The following SLCO1A2 variants were observed in gnomAD, a reference collection of about 807,000 sequenced individuals.
The protein encoded by SLCO1A2 is solute carrier organic anion transporter family member 1A2.
In SLCO1A2, 67 loss-of-function variants were observed where a neutral mutation model predicts 69.0. That is an observed-to-expected ratio of 0.97 (90% CI 0.80 to 1.19). The LOEUF (loss-of-function observed/expected upper bound fraction) is 1.19. Among genes scored for constraint, SLCO1A2 ranks in the 50% most tolerant of loss-of-function variants. The pLI is 0.00. For missense variants in SLCO1A2, 787 were observed against 793.7 expected, an observed-to-expected ratio of 0.99 and a Z score of 0.10; for synonymous variants, 260 against 265.9, an observed-to-expected ratio of 0.98 and a Z score of 0.22.
chr12:21,360,946 T>A (rs1938813378), intron 2 of SLCO1A2, among the ~76,000 whole-genome samples: 1 of 152,062 alleles, frequency 6.6e-6, no homozygotes, highest in Admixed American at 6.5e-5. Context: ...CTCTGTAGAC[T>A]CCACCTCTAG....
chr12:21,295,576 A>G, intron 10 of SLCO1A2, 21 bp downstream of exon 10: 4 of 1,428,068 alleles, frequency 2.8e-6, no homozygotes, highest in Middle Eastern at 1.8e-4. Flanking sequence ...AGATTCTCAC[A>G]TTCATTAGAA....
At chr12:21,284,253 G>T (rs1479329008) in intron 12 of SLCO1A2, among the ~76,000 whole-genome samples, 2 of 152,054 alleles carry the variant, frequency 1.3e-5, no homozygotes, top group Non-Finnish European at 2.9e-5. Context: ...AAAGAATGAG[G>T]GGGAGGAGCC....
intron 2 of SLCO1A2, among the ~76,000 whole-genome samples, chr12:21,360,277 A>C (rs1938727539): frequency 6.6e-6 from 1 of 152,250 alleles, no homozygotes; most frequent in Non-Finnish European, 1.5e-5. Flanking sequence ...AAAACCAGTC[A>C]AATTATACAT....
At chr12:21,409,911 T>A (rs1159939356) in intron 1 of SLCO1A2, among the ~76,000 whole-genome samples, 2 of 152,192 alleles carry the variant, frequency 1.3e-5, no homozygotes, top group Non-Finnish European at 2.9e-5. Context: ...TGGTGTCCCA[T>A]ACATTTTTTC....
chr12:21,330,137 A>C (rs1952510341), intron 2 of SLCO1A2, among the ~76,000 whole-genome samples: 1 of 152,106 alleles, frequency 6.6e-6, no homozygotes, highest in Non-Finnish European at 1.5e-5. Context: ...TACAGACAAA[A>C]GCAGATCCAA....
intron 1 of SLCO1A2, among the ~76,000 whole-genome samples, chr12:21,392,368 C>T (rs1373834207): frequency 3.9e-5 from 6 of 152,142 alleles, no homozygotes; most frequent in Non-Finnish European, 8.8e-5. Flanking sequence ...AATTCACCTC[C>T]TGGCAGGTGG....
chr12:21,302,388 T>C (rs1405380791), intron 6 of SLCO1A2, among the ~76,000 whole-genome samples: 1 of 152,168 alleles, frequency 6.6e-6, no homozygotes, highest in Non-Finnish European at 1.5e-5. Context: ...TATACATGTA[T>C]TGTTTCATTG....
chr12:21,310,259 A>AT (rs368438816), intron 4 of SLCO1A2, among the ~76,000 whole-genome samples: 1 of 152,198 alleles, frequency 6.6e-6, no homozygotes, highest in Non-Finnish European at 1.5e-5. Flanking sequence ...ACTCACATGA[A>AT]TTTTTTTAAT....
chr12:21,320,157 C>T (rs920952787), intron 2 of SLCO1A2, among the ~76,000 whole-genome samples: 1 of 152,158 alleles, frequency 6.6e-6, no homozygotes, highest in African/African-American at 2.4e-5. Context: ...AAAATTCTCA[C>T]ACCTTCCACC....
chr12:21,319,627 TG>T, intron 2 of SLCO1A2: 1 of 434,534 alleles, frequency 2.3e-6, no homozygotes, highest in Non-Finnish European at 4.1e-6. Flanking sequence ...CCATTTATTT[TG>T]GGAAGCTTTC....
intron 2 of SLCO1A2, chr12:21,373,121 T>C (rs1939919363): frequency 1.8e-6 from 1 of 566,214 alleles, no homozygotes; most frequent in South Asian, 2.1e-5. Flanking sequence ...ACAATATAAA[T>C]GTTCAGATTG....
chr12:21,363,436 C>G (rs1378060809), intron 2 of SLCO1A2, among the ~76,000 whole-genome samples: 2 of 152,030 alleles, frequency 1.3e-5, no homozygotes, highest in Admixed American at 6.6e-5. Context: ...GCCCACAAGA[C>G]AAAGCAGGAG....
At chr12:21,293,628 A>G (rs932120988) in intron 11 of SLCO1A2, among the ~76,000 whole-genome samples, 18 of 151,682 alleles carry the variant, frequency 1.2e-4, no homozygotes, top group African/African-American at 3.1e-4. Context: ...TAGCTGGACA[A>G]TTGAAATCAA....
intron 3 of SLCO1A2, among the ~76,000 whole-genome samples, chr12:21,318,440 T>C (rs1951169296): frequency 3.3e-5 from 5 of 152,182 alleles, no homozygotes; most frequent in Admixed American, 3.3e-4. Flanking sequence ...TTGTATCTTC[T>C]AAATACAAAG....
chr12:21,349,125 T>C (rs1937728442), intron 2 of SLCO1A2, among the ~76,000 whole-genome samples: 1 of 152,176 alleles, frequency 6.6e-6, no homozygotes, highest in Admixed American at 6.6e-5. Context: ...ATCTGTCCCT[T>C]TCCAGATGGT....
At chr12:21,274,385 C>T (rs1943414885) in intron 14 of SLCO1A2, 84 bp downstream of exon 14, 5 of 820,132 alleles carry the variant, frequency 6.1e-6, no homozygotes. Context: ...TTTCACTTGA[C>T]AAAGAAAAAG....
At chr12:21,417,572 G>C (rs1378220312) in intron 1 of SLCO1A2, among the ~76,000 whole-genome samples, 1 of 151,592 alleles carries the variant, frequency 6.6e-6, no homozygotes, top group African/African-American at 2.4e-5. Flanking sequence ...TGACAAAGGG[G>C]ATTATTATTT....
At chr12:21,372,444 T>C (rs1939868368) in intron 2 of SLCO1A2, among the ~76,000 whole-genome samples, 1 of 152,194 alleles carries the variant, frequency 6.6e-6, no homozygotes, top group South Asian at 2.1e-4. Context: ...TGATTTCTCT[T>C]TTATGCCCTT....
chr12:21,348,213 C>A (rs982521030), intron 2 of SLCO1A2, among the ~76,000 whole-genome samples: 5 of 152,144 alleles, frequency 3.3e-5, no homozygotes, highest in African/African-American at 9.7e-5. Context: ...GGGTATCCAT[C>A]CCCTCAAGCA....
Sources: allele counts gnomAD v4.1 joint callset (sites outside exome capture counted in the v4.1 genomes callset), GRCh38; gene constraint gnomAD v4.1.1; transcripts MANE v1.5; gene names NCBI Gene and HGNC (gene_info 2026-07-23, HGNC 2026-07-21).